Variants in TMEFF1 observed in about 807,000 individuals in gnomAD.
TMEFF1 encodes transmembrane protein with EGF like and two follistatin like domains 1.
Under a neutral mutation model 47.5 loss-of-function variants are expected in TMEFF1, and 20 were observed. The ratio of observed to expected loss-of-function variants is 0.42; its 90% confidence interval spans 0.30 to 0.61. The LOEUF (loss-of-function observed/expected upper bound fraction) is 0.61. Ranked by LOEUF, TMEFF1 falls within the 20% of genes least tolerant of loss-of-function variation. The pLI, the probability that TMEFF1 is intolerant of heterozygous loss-of-function variation, is 0.19. For synonymous variants in TMEFF1, 162 were observed against 166.3 expected (o/e 0.97, Z 0.20); for missense variants, 411 against 471.1 (o/e 0.87, Z 1.18).
At chr9:100,522,423 A>AT (rs1838178120) in intron 5 of TMEFF1, among the ~76,000 whole-genome samples, 2 of 141,700 alleles carry the variant, frequency 1.4e-5, no homozygotes, top group Admixed American at 7.3e-5. Flanking sequence ...TTATCCAGAA[A>AT]TATCTTCTTT....
chr9:100,489,994 G>T (rs1837519608), intron 1 of TMEFF1, among the ~76,000 whole-genome samples: 1 of 152,080 alleles, frequency 6.6e-6, no homozygotes, highest in African/African-American at 2.4e-5. Context: ...CTTGCCTGGA[G>T]AGTCCTGATA....
At chr9:100,483,372 C>T (rs71507686) in intron 1 of TMEFF1, among the ~76,000 whole-genome samples, 3,875 of 152,178 alleles carry the variant, frequency 0.025, 64 homozygotes, top group Middle Eastern at 0.034. Flanking sequence ...TGGCGCATGC[C>T]TGTAATCCCA....
chr9:100,480,942 G>T (rs913567433), intron 1 of TMEFF1, among the ~76,000 whole-genome samples: 2 of 152,150 alleles, frequency 1.3e-5, no homozygotes, highest in African/African-American at 4.8e-5. Context: ...ATCAAAACTG[G>T]TTTCATGGAG....
chr9:100,539,495 C>T (rs952925378), intron 5 of TMEFF1, among the ~76,000 whole-genome samples: 1 of 152,096 alleles, frequency 6.6e-6, no homozygotes, highest in Non-Finnish European at 1.5e-5. Context: ...TTGCTGTCTT[C>T]AGGAGTGAAG....
At chr9:100,480,081 G>A (rs370390432) in intron 1 of TMEFF1, among the ~76,000 whole-genome samples, 17 of 152,166 alleles carry the variant, frequency 1.1e-4, no homozygotes, top group African/African-American at 3.1e-4. Flanking sequence ...GTGAAGTTAT[G>A]TATCAATGTC....
intron 5 of TMEFF1, among the ~76,000 whole-genome samples, chr9:100,543,474 T>C (rs1838671594): frequency 6.6e-6 from 1 of 152,194 alleles, no homozygotes; most frequent in Admixed American, 6.5e-5. Context: ...TGTGACTGAA[T>C]GTGTCTCTGT....
intron 8 of TMEFF1, among the ~76,000 whole-genome samples, chr9:100,567,992 C>T (rs1293763093): frequency 6.6e-6 from 1 of 152,086 alleles, no homozygotes; most frequent in African/African-American, 2.4e-5. Context: ...TCTCGTGAGA[C>T]TCATTTACTG....
chr9:100,498,475 A>G (rs967574318), intron 1 of TMEFF1, among the ~76,000 whole-genome samples: 2 of 152,132 alleles, frequency 1.3e-5, no homozygotes, highest in African/African-American at 2.4e-5. Flanking sequence ...AGAAGGCAAA[A>G]TGGAAAAATT....
At position 100,533,856 on chromosome 9, in the gene TMEFF1, T is replaced by C. The variant is rs536328504; in HGVS notation, c.561-13888T>C. Among the ~76,000 whole-genome samples the C allele has an allele frequency of 1.3e-5, 2 of 152,214 alleles. 1 individual carries two copies. The highest frequency in any genetic ancestry group is 4.8e-5 in the African/African-American group (2 of 41,556). On this transcript the variant is annotated intron_variant, in intron 5 of 9. Transcript: ENST00000374879. ...GCCTCAGCCTCCCGAGTAGCTGGGATTACAGGCGTGCACCACCATGCCCAG... is the reference window on the plus strand; with the variant it reads ...GCCTCAGCCTCCCGAGTAGCTGGGACTACAGGCGTGCACCACCATGCCCAG...
chr9:100,511,391 A>G (rs950450691), intron 3 of TMEFF1, among the ~76,000 whole-genome samples: 5 of 152,144 alleles, frequency 3.3e-5, no homozygotes, highest in African/African-American at 1.2e-4. Flanking sequence ...TTACTGTGTG[A>G]CCTTGGACAA....
intron 5 of TMEFF1, among the ~76,000 whole-genome samples, chr9:100,543,603 G>A (rs981740302): frequency 5.3e-5 from 8 of 151,858 alleles, no homozygotes; most frequent in African/African-American, 1.7e-4. Flanking sequence ...TACAGCAGGG[G>A]TGTGTCCAAT....
Position 100,475,114 on chromosome 9 carries a change from G to A in TMEFF1, c.196+1374G>A, listed in dbSNP as rs535347620. The stretch of plus-strand genomic sequence containing the variant: ...AGGAGGGAGGAACATAAGGCCACTG[G>A]GAATCTGCCGGACAACCTTTATACT... On this transcript the variant is annotated intron_variant, in intron 1 of 9. Coordinates refer to ENST00000374879, the MANE Select transcript of TMEFF1 (RefSeq NM_003692.5). 2.6e-5 allele frequency among the ~76,000 whole-genome samples: 4 copies of A among 152,252 alleles called. No homozygotes were observed. In the South Asian group the frequency reaches 8.3e-4, roughly 32 times the overall value.
At chr9:100,546,495 T>C (rs1482258417) in intron 5 of TMEFF1, among the ~76,000 whole-genome samples, 1 of 150,712 alleles carries the variant, frequency 6.6e-6, no homozygotes, top group African/African-American at 2.4e-5. Context: ...AAGATGAGAT[T>C]TGGGTAAGGA....
intron 3 of TMEFF1, among the ~76,000 whole-genome samples, chr9:100,509,605 C>T (rs1033628734): frequency 1.3e-5 from 2 of 152,190 alleles, no homozygotes; most frequent in East Asian, 1.9e-4. Flanking sequence ...AACCCCGTCT[C>T]TACTAAAAAA....
At chr9:100,499,574 A>G (rs1174169425) in intron 2 of TMEFF1, among the ~76,000 whole-genome samples, 1 of 152,170 alleles carries the variant, frequency 6.6e-6, no homozygotes, top group East Asian at 1.9e-4. Flanking sequence ...TTTATTCTAA[A>G]CGTACCCACC....
chr9:100,534,792 A>T (rs2118466084), intron 5 of TMEFF1, among the ~76,000 whole-genome samples: 1 of 152,280 alleles, frequency 6.6e-6, no homozygotes, highest in East Asian at 1.9e-4. Context: ...CTATAAACAA[A>T]GCCACTTGTT....
intron 1 of TMEFF1, among the ~76,000 whole-genome samples, chr9:100,490,245 T>C (rs1837525213): frequency 6.6e-6 from 1 of 152,194 alleles, no homozygotes; most frequent in Admixed American, 6.5e-5. Context: ...CTGCTTTTGG[T>C]TTTGTATCAT....
At chr9:100,505,914 A>T (rs1253672508) in intron 2 of TMEFF1, among the ~76,000 whole-genome samples, 1 of 152,250 alleles carries the variant, frequency 6.6e-6, no homozygotes, top group Non-Finnish European at 1.5e-5. Flanking sequence ...TATAATTACA[A>T]AGTAACATTG....
intron 1 of TMEFF1, among the ~76,000 whole-genome samples, chr9:100,482,389 G>A (rs925958917): frequency 1.3e-5 from 2 of 151,412 alleles, no homozygotes; most frequent in Non-Finnish European, 1.5e-5. Context: ...GTAGAGACGG[G>A]TTTTCACCAT....
Sources: allele counts gnomAD v4.1 joint callset (sites outside exome capture counted in the v4.1 genomes callset), GRCh38; gene constraint gnomAD v4.1.1; transcripts MANE v1.5; gene names NCBI Gene and HGNC (gene_info 2026-07-23, HGNC 2026-07-21).